Variants in SIK2 observed in about 807,000 individuals in gnomAD.
The protein encoded by SIK2 is serine/threonine-protein kinase SIK2.
A neutral mutation model predicts 103.2 loss-of-function variants in SIK2; 29 were observed. The ratio of observed to expected loss-of-function variants is 0.28; its 90% confidence interval spans 0.21 to 0.38. The LOEUF (loss-of-function observed/expected upper bound fraction) is 0.38, where lower values mean the gene tolerates loss of function less well. SIK2 is among the 10% of genes least tolerant of loss of function. The pLI, the probability that SIK2 is intolerant of heterozygous loss-of-function variation, is 1.00. For missense variants in SIK2, 879 were observed against 1,171.0 expected, an observed-to-expected ratio of 0.75 and a Z score of 3.64; for synonymous variants, 412 against 446.1, an observed-to-expected ratio of 0.92 and a Z score of 0.96.
Position 111,726,896 on chromosome 11 carries a change from T to C in SIK2, c.*2767T>C. The C allele has an allele frequency of 3.4e-6, 5 of 1,480,894 alleles. No individual in the cohort carries two copies. The South Asian group carries it at 5.8e-5, about 17-fold the overall frequency. 91.7% of individuals were successfully genotyped at this position (1,480,894 alleles called of 1,614,324 possible). A position where few individuals can be genotyped will look rare whatever the true frequency, so the allele number is the denominator to read the frequency against. ...TGGTGAGATGAACGTGAGGTAAAAA[T>C]TTCGTTCGGCAAAAAGTGCAATATG... is the stretch of plus-strand genomic sequence containing the variant. On this transcript the variant is annotated 3_prime_UTR_variant, in exon 15 of 15. Transcript: ENST00000304987.
chr11:111,621,497 C>G (rs201353681), intron 3 of SIK2, among the ~76,000 whole-genome samples: 2 of 35,012 alleles, frequency 5.7e-5, no homozygotes, highest in Non-Finnish European at 1.6e-4. Flanking sequence ...ATTCATTCAT[C>G]TATCTATTGA....
chr11:111,724,151 G>A lies in SIK2; in HGVS notation c.*22G>A, dbSNP rs776781348. 1 of 1,595,502 alleles carries A rather than the reference G, an allele frequency of 6.3e-7. No homozygotes were observed. The highest frequency in any genetic ancestry group is 1.3e-5 in the African/African-American group (1 of 74,774). ...TTAGTCTCAGCACAGGAATTGAGGTGGGTCAGGTGAAGGAAGAGTGTATGT... is the reference window on the plus strand; with the variant it reads ...TTAGTCTCAGCACAGGAATTGAGGTAGGTCAGGTGAAGGAAGAGTGTATGT... On this transcript the variant is annotated 3_prime_UTR_variant, in exon 15 of 15. Transcript: ENST00000304987.
intron 3 of SIK2, among the ~76,000 whole-genome samples, chr11:111,649,605 A>G (rs1011311294): frequency 1.3e-5 from 2 of 152,092 alleles, no homozygotes; most frequent in African/African-American, 4.8e-5. Flanking sequence ...TGCTGTGGTA[A>G]CCTAACAAGG....
At chr11:111,670,098 G>A (rs927002159) in intron 3 of SIK2, among the ~76,000 whole-genome samples, 1 of 152,058 alleles carries the variant, frequency 6.6e-6, no homozygotes, top group African/African-American at 2.4e-5. Flanking sequence ...TTGGATTATT[G>A]TAAATTATAG....
chr11:111,606,445 G>A (rs1057437961), intron 1 of SIK2, among the ~76,000 whole-genome samples: 3 of 151,842 alleles, frequency 2.0e-5, no homozygotes, highest in African/African-American at 7.3e-5. Context: ...AAAGCACATG[G>A]TACATATATA....
intron 9 of SIK2, among the ~76,000 whole-genome samples, chr11:111,718,080 G>GA (rs969248324): frequency 4.0e-5 from 6 of 150,422 alleles, no homozygotes; most frequent in Admixed American, 6.6e-5. Context: ...AAAAATTGAA[G>GA]AAAAAAAAAG....
intron 9 of SIK2, among the ~76,000 whole-genome samples, chr11:111,715,199 G>T (rs947161096): frequency 6.6e-6 from 1 of 152,216 alleles, no homozygotes; most frequent in African/African-American, 2.4e-5. Context: ...ACTCAGTCAG[G>T]CCATAGACAT....
chr11:111,617,839 T>C (rs1941828269), intron 2 of SIK2, among the ~76,000 whole-genome samples: 1 of 148,812 alleles, frequency 6.7e-6, no homozygotes, highest in Non-Finnish European at 1.5e-5. Context: ...TGTTTGTGTA[T>C]GTGTGTGTGT....
chr11:111,667,693 AT>A (rs1381055616), intron 3 of SIK2, among the ~76,000 whole-genome samples: 4 of 151,894 alleles, frequency 2.6e-5, no homozygotes, highest in Non-Finnish European at 5.9e-5. Flanking sequence ...AGGTTTCACC[AT>A]GTTGGCCAGG....
chr11:111,604,601 T>C (rs1285738959), intron 1 of SIK2, among the ~76,000 whole-genome samples: 1 of 152,206 alleles, frequency 6.6e-6, no homozygotes, highest in African/African-American at 2.4e-5. Flanking sequence ...TATGGAGTAA[T>C]ACCGTGGTTT....
At chr11:111,684,824 A>G (rs1240564611) in intron 3 of SIK2, among the ~76,000 whole-genome samples, 1 of 152,250 alleles carries the variant, frequency 6.6e-6, no homozygotes, top group African/African-American at 2.4e-5. Flanking sequence ...ATGGATAGCT[A>G]CTATGCAGGT....
rs575389802 is a variant in SIK2 at position 111,609,308 on chromosome 11, A to G, written c.135+6610A>G. ...CAATCTGTTTTTCCTACCCACTATTATAAAAGTCAAATCAATTTTTTTTTT... is the reference window on the plus strand; with the variant it reads ...CAATCTGTTTTTCCTACCCACTATTGTAAAAGTCAAATCAATTTTTTTTTT... On this transcript the variant is annotated intron_variant, in intron 1 of 14. Transcript: ENST00000304987. Among the ~76,000 whole-genome samples, 223 of 152,086 alleles carry G rather than the reference A, an allele frequency of 1.5e-3. 2 individuals are homozygous for G. Among genetic ancestry groups the G allele is most frequent in the African/African-American group, 5.2e-3 (217 of 41,464 alleles).
At chr11:111,635,103 G>A in intron 3 of SIK2, among the ~76,000 whole-genome samples, 1 of 152,080 alleles carries the variant, frequency 6.6e-6, no homozygotes, top group East Asian at 1.9e-4. Context: ...GTAACCACAT[G>A]AAAGAGCCAG....
In SIK2 at chr11:111,723,922, G is replaced by A. The variant is rs763044320; in HGVS notation, c.2574G>A (p.Ala858=). 34 of 1,613,530 alleles carry A rather than the reference G, an allele frequency of 2.1e-5. No individual in the cohort carries two copies. The highest frequency in any genetic ancestry group is 1.6e-4 in the Middle Eastern group (1 of 6,082). ...TCELPSAASP[A]PDYPTPCQYP... The stretch of plus-strand genomic sequence containing the variant: ...AGCTGCCAAGCGCTGCTTCCCCTGC[G>A]CCAGACTATCCCACTCCCTGTCAGT... Residue 858 remains alanine, a synonymous_variant, in exon 15 of 15, where the codon GCG becomes GCA. Transcript: ENST00000304987.
rs73017062 is a variant in SIK2 at position 111,668,708 on chromosome 11, T to A, written c.317-19293T>A. 6.5e-3 allele frequency among the ~76,000 whole-genome samples: 996 copies of A among 152,330 alleles called. 5 individuals carry two copies. Among genetic ancestry groups the A allele is most frequent in the South Asian group, 0.013 (62 of 4,824 alleles). On this transcript the variant is annotated intron_variant, in intron 3 of 14. Transcript: ENST00000304987. ...GGCAGAGGACTGATAGAACTGTTTC[T>A]AAAGATTGCTCTGGCTACTCTGTCA...
At chr11:111,717,995 G>A (rs1348530374) in intron 9 of SIK2, among the ~76,000 whole-genome samples, 1 of 152,134 alleles carries the variant, frequency 6.6e-6, no homozygotes, top group East Asian at 1.9e-4. Flanking sequence ...TAGGTTGACA[G>A]GTGCAGCAAA....
At chr11:111,608,982 T>C (rs991373487) in intron 1 of SIK2, among the ~76,000 whole-genome samples, 1 of 132,638 alleles carries the variant, frequency 7.5e-6, no homozygotes. Flanking sequence ...GAAAATAATA[T>C]TCTTCATTAC....
At chr11:111,719,121 C>T (rs1440068966) in intron 9 of SIK2, among the ~76,000 whole-genome samples, 1 of 152,162 alleles carries the variant, frequency 6.6e-6, no homozygotes, top group Non-Finnish European at 1.5e-5. Context: ...GGCCAGTGAG[C>T]CCTTTGTTAT....
intron 1 of SIK2, among the ~76,000 whole-genome samples, chr11:111,608,999 A>T (rs1485242312): frequency 2.0e-5 from 3 of 151,622 alleles, no homozygotes; most frequent in South Asian, 4.1e-4. Context: ...TTACTTTTAA[A>T]TTTTTTTCTA....
Sources: allele counts gnomAD v4.1 joint callset (sites outside exome capture counted in the v4.1 genomes callset), GRCh38; gene constraint gnomAD v4.1.1; transcripts MANE v1.5; gene names NCBI Gene and HGNC (gene_info 2026-07-23, HGNC 2026-07-21).